ADGRB3: variants seen among roughly 807,000 people sequenced by gnomAD.
ADGRB3 encodes brain-specific angiogenesis inhibitor 3.
In ADGRB3, 37 loss-of-function variants were observed where a neutral mutation model predicts 193.4. That is an observed-to-expected ratio of 0.19 (90% CI 0.15 to 0.25). The LOEUF (loss-of-function observed/expected upper bound fraction) is 0.25. Among genes scored for constraint, ADGRB3 ranks in the 10% least tolerant of loss-of-function variants. The pLI, the probability that ADGRB3 is intolerant of heterozygous loss-of-function variation, is 1.00. For missense variants in ADGRB3, 1,637 were observed against 1,852.9 expected (o/e 0.88, Z 2.14); for synonymous variants, 690 against 644.2 (o/e 1.07, Z -1.08).
rs1484326515 is a variant in ADGRB3 at position 69,233,279 on chromosome 6, C to A, written c.2481-11C>A. Reference sequence around the variant, plus strand: ...TATCCCGATTTCCTCCCCCCTCACTCCCCTTTGCAGGAACGAGTCTTTGGG... The same window carrying A: ...TATCCCGATTTCCTCCCCCCTCACTACCCTTTGCAGGAACGAGTCTTTGGG... On this transcript the variant is annotated splice_polypyrimidine_tract_variant and intron_variant, in intron 17 of 31. Coordinates refer to ENST00000370598, the MANE Select transcript of ADGRB3 (RefSeq NM_001704.3). The A allele has an allele frequency of 1.2e-6, 2 of 1,612,990 alleles. No individual in the cohort carries two copies. Among genetic ancestry groups the A allele is most frequent in the Non-Finnish European group, 1.7e-6 (2 of 1,179,554 alleles).
At chr6:69,147,523 AT>A (rs933167403) in intron 17 of ADGRB3, among the ~76,000 whole-genome samples, 4 of 151,964 alleles carry the variant, frequency 2.6e-5, no homozygotes, top group Admixed American at 6.6e-5. Flanking sequence ...ATATGATTTA[AT>A]TTTTTTTAAT....
At position 68,638,878 on chromosome 6, in the gene ADGRB3, G is replaced by A. The variant is rs370692793; in HGVS notation, c.203G>A (p.Ser68Asn). 6 of 1,613,930 alleles carry A rather than the reference G, an allele frequency of 3.7e-6. No individual in the cohort carries two copies. In the East Asian group the frequency reaches 6.7e-5, roughly 18 times the overall value. Residue 68 changes from serine (S) to asparagine (N), a missense_variant, in exon 3 of 32, where the codon AGC (serine) becomes AAC (asparagine). Around this residue, in one of 7 missense-constraint regions of ADGRB3, gnomAD observed 365 missense variants for 409.8 expected, o/e 0.89. Coordinates refer to ENST00000370598, the MANE Select transcript of ADGRB3 (RefSeq NM_001704.3). ...TLENPDPTKY[S>N]IYLKFSKKDL... ...GAAAATCCAGATCCAACCAAATATA[G>A]CATTTACCTGAAATTTTCCAAAAAG... is the stretch of plus-strand genomic sequence containing the variant.
intron 11 of ADGRB3, among the ~76,000 whole-genome samples, chr6:68,998,896 T>C (rs1172266037): frequency 1.3e-5 from 2 of 152,164 alleles, no homozygotes; most frequent in African/African-American, 4.8e-5. Flanking sequence ...TTCCTAAAAG[T>C]ACCCATCTTT....
intron 3 of ADGRB3, among the ~76,000 whole-genome samples, chr6:68,879,605 A>G (rs769145168): frequency 2.6e-5 from 4 of 152,096 alleles, no homozygotes; most frequent in Non-Finnish European, 5.9e-5. Flanking sequence ...ACTCCTGACC[A>G]GCATGCCTGA....
chr6:68,719,115 A>T lies in ADGRB3; in HGVS notation c.757+79683A>T, dbSNP rs1353392845. ...TAAAGTAATTGGTGAAAGGATGAAG[A>T]ATGAGTTGGAAATATATGTTTATTA... On this transcript the variant is annotated intron_variant, in intron 3 of 31. Transcript: ENST00000370598. 2.0e-5 allele frequency among the ~76,000 whole-genome samples: 3 copies of T among 151,808 alleles called. No individual in the cohort carries two copies. The East Asian group carries it at 5.8e-4, about 29-fold the overall frequency.
chr6:68,976,952 A>T (rs576701948), intron 10 of ADGRB3, among the ~76,000 whole-genome samples: 17 of 148,284 alleles, frequency 1.1e-4, no homozygotes, highest in African/African-American at 3.1e-4. Flanking sequence ...AAAAATATAT[A>T]TTTTTTTATA....
rs545601265 is a variant in ADGRB3 at position 68,838,609 on chromosome 6, C to A, written c.758-91950C>A. ...TTGTTAGCAAAATAAATTGTTGTAG[C>A]AAAGTCAAATGGGATGCTAGAAAGC... On this transcript the variant is annotated intron_variant, in intron 3 of 31. Coordinates refer to ENST00000370598, the MANE Select transcript of ADGRB3 (RefSeq NM_001704.3). Among the ~76,000 whole-genome samples the A allele has an allele frequency of 6.9e-4, 105 of 152,170 alleles. 2 individuals are homozygous for A. Among genetic ancestry groups the A allele is most frequent in the Non-Finnish European group, 1.2e-3 (85 of 68,016 alleles).
intron 17 of ADGRB3, among the ~76,000 whole-genome samples, chr6:69,102,649 A>G (rs1756331396): frequency 2.0e-5 from 3 of 152,224 alleles, no homozygotes; most frequent in Non-Finnish European, 4.4e-5. Flanking sequence ...CCACCAAGGT[A>G]GAACTGGCGG....
intron 3 of ADGRB3, among the ~76,000 whole-genome samples, chr6:68,792,020 A>T (rs946456606): frequency 6.6e-6 from 1 of 152,152 alleles, no homozygotes; most frequent in Non-Finnish European, 1.5e-5. Context: ...CAGAGAAAAA[A>T]TCTTTGTTAA....
At position 68,784,545 on chromosome 6, in the gene ADGRB3, T is replaced by C. The variant is rs577456850; in HGVS notation, c.757+145113T>C. The stretch of plus-strand genomic sequence containing the variant: ...CACAGTATAAACTTTCTCATGTATA[T>C]ACTTTTTTTCACTAGCAATTGTCTA... On this transcript the variant is annotated intron_variant, in intron 3 of 31. Coordinates refer to ENST00000370598, the MANE Select transcript of ADGRB3 (RefSeq NM_001704.3). Among the ~76,000 whole-genome samples the C allele has an allele frequency of 2.0e-4, 30 of 152,296 alleles. No homozygotes were observed. The South Asian group carries it at 4.3e-3, about 22-fold the overall frequency.
intron 3 of ADGRB3, among the ~76,000 whole-genome samples, chr6:68,845,695 G>GCCA (rs1768260187): frequency 6.6e-6 from 1 of 152,128 alleles, no homozygotes; most frequent in Non-Finnish European, 1.5e-5. Context: ...TGTAAGAAGT[G>GCCA]CCTTTCACCC....
chr6:68,854,129 A>G (rs1764884404), intron 3 of ADGRB3, among the ~76,000 whole-genome samples: 1 of 152,102 alleles, frequency 6.6e-6, no homozygotes, highest in African/African-American at 2.4e-5. Context: ...CAAAGGCTCT[A>G]TGTGCACAGG....
intron 17 of ADGRB3, among the ~76,000 whole-genome samples, chr6:69,084,957 A>G (rs1350105905): frequency 3.3e-5 from 5 of 152,142 alleles, no homozygotes; most frequent in African/African-American, 1.2e-4. Context: ...GAAAGAATCT[A>G]CCAAGGAAGG....
intron 3 of ADGRB3, among the ~76,000 whole-genome samples, chr6:68,751,325 G>A (rs760387157): frequency 1.3e-5 from 2 of 151,976 alleles, no homozygotes; most frequent in African/African-American, 4.8e-5. Flanking sequence ...CAGGTCACTC[G>A]CAAACAGAAT....
intron 3 of ADGRB3, among the ~76,000 whole-genome samples, chr6:68,845,639 G>T (rs1341721481): frequency 6.6e-6 from 1 of 152,120 alleles, no homozygotes; most frequent in Non-Finnish European, 1.5e-5. Context: ...GGGTTTATCA[G>T]GTGTTTCTGC....
intron 16 of ADGRB3, among the ~76,000 whole-genome samples, chr6:69,067,176 G>T (rs1375162512): frequency 6.6e-6 from 1 of 151,862 alleles, no homozygotes; most frequent in Non-Finnish European, 1.5e-5. Flanking sequence ...TTTTTCCTCT[G>T]GGCATCAACT....
At chr6:68,860,921 TC>T (rs1765135637) in intron 3 of ADGRB3, among the ~76,000 whole-genome samples, 1 of 152,196 alleles carries the variant, frequency 6.6e-6, no homozygotes, top group Non-Finnish European at 1.5e-5. Flanking sequence ...ACTCTAAAAC[TC>T]AACCAGTGGT....
At chr6:69,100,204 T>A (rs1358433653) in intron 17 of ADGRB3, among the ~76,000 whole-genome samples, 1 of 152,220 alleles carries the variant, frequency 6.6e-6, no homozygotes, top group East Asian at 1.9e-4. Context: ...TTTCTGTAAA[T>A]CATTCGGTCT....
chr6:69,321,869 A>C (rs183233034), intron 20 of ADGRB3, among the ~76,000 whole-genome samples: 1 of 151,980 alleles, frequency 6.6e-6, no homozygotes, highest in Admixed American at 6.6e-5. Context: ...ATTTTCTTTT[A>C]ACTTTTAAGT....
Sources: allele counts gnomAD v4.1 joint callset (sites outside exome capture counted in the v4.1 genomes callset), GRCh38; gene constraint gnomAD v4.1.1; regional missense constraint gnomAD v4.1.1; transcripts MANE v1.5; gene names NCBI Gene and HGNC (gene_info 2026-07-23, HGNC 2026-07-21).